CCDC82: variants seen among roughly 807,000 people sequenced by gnomAD.
CCDC82 encodes the protein coiled-coil domain-containing protein 82.
In CCDC82, 47 loss-of-function variants were observed where a neutral mutation model predicts 60.6. That is an observed-to-expected ratio of 0.77 (90% confidence interval 0.61 to 0.99). CCDC82 has a LOEUF of 0.99. Among genes scored for constraint, CCDC82 ranks in the 50% least tolerant of loss-of-function variants. The probability of loss-of-function intolerance (pLI) is 0.00; values close to 1 mark genes in which losing one functional copy is unlikely to be tolerated. For synonymous variants in CCDC82, 212 were observed against 207.4 expected, an observed-to-expected ratio of 1.02 and a Z score of -0.19; for missense variants, 588 against 633.0, an observed-to-expected ratio of 0.93 and a Z score of 0.76.
chr11:96,360,745 C>A (rs1039110724), intron 8 of CCDC82, among the ~76,000 whole-genome samples: 2 of 152,140 alleles, frequency 1.3e-5, no homozygotes, highest in African/African-American at 2.4e-5. Flanking sequence ...TTTCCTGAGG[C>A]CACACTGCAA....
chr11:96,354,039 T>C (rs1864223993), intron 9 of CCDC82: 1 of 199,176 alleles, frequency 5.0e-6, no homozygotes, highest in Admixed American at 5.7e-5. Flanking sequence ...TTGTTGAACA[T>C]ATATATCAAA....
At chr11:96,372,653 A>AATATAAATATATATAAACAT (rs1865336497) in intron 6 of CCDC82, among the ~76,000 whole-genome samples, 1 of 142,760 alleles carries the variant, frequency 7.0e-6, no homozygotes, top group Non-Finnish European at 1.5e-5. Flanking sequence ...TATATATATA[A>AATATAAATATATATAAACAT]ATATAAATAT....
intron 4 of CCDC82, 103 bp downstream of exon 4, chr11:96,383,859 G>C: frequency 1.9e-6 from 2 of 1,027,804 alleles, no homozygotes; most frequent in South Asian, 1.7e-5. Flanking sequence ...ATAAATTCTA[G>C]AATTATTGAG....
In CCDC82 at chr11:96,383,380, T is replaced by C. The variant is rs763390036; in HGVS notation, c.880A>G (p.Ile294Val). The C allele has an allele frequency of 6.2e-7, 1 of 1,601,740 alleles. No homozygotes were observed. The highest frequency in any genetic ancestry group is 8.5e-7 in the Non-Finnish European group (1 of 1,171,792). ...YESDEDGDDYIIDDFVVQDEE... is the reference protein window; with the variant it reads ...YESDEDGDDYVIDDFVVQDEE... ...TCTTGCACTACAAAGTCATCGATAA[T>C]ATAATCATCTCCATCTTCATCAGAT... Residue 294 changes from isoleucine (I) to valine (V), a missense_variant, in exon 5 of 10, where the codon ATT becomes GTT. Physicochemically the swap from Ile to Val is conservative, Grantham distance 29. Transcript: ENST00000646818.
At chr11:96,366,243 CTT>C (rs1864939870) in intron 7 of CCDC82, among the ~76,000 whole-genome samples, 1 of 152,158 alleles carries the variant, frequency 6.6e-6, no homozygotes, top group African/African-American at 2.4e-5. Context: ...TGAAAATAAA[CTT>C]TGTTGGGTTA....
chr11:96,366,605 C>T (rs1469957121), intron 7 of CCDC82, among the ~76,000 whole-genome samples: 2 of 152,144 alleles, frequency 1.3e-5, no homozygotes, highest in African/African-American at 4.8e-5. Flanking sequence ...TAATAGTGCC[C>T]TCCAGCTGGC....
At chr11:96,379,976 G>T (rs1342422586) in intron 5 of CCDC82, among the ~76,000 whole-genome samples, 1 of 151,714 alleles carries the variant, frequency 6.6e-6, no homozygotes, top group Non-Finnish European at 1.5e-5. Context: ...AGTAATAGAG[G>T]AAAGGAATAT....
At chr11:96,375,591 T>A (rs1865527996) in intron 5 of CCDC82, among the ~76,000 whole-genome samples, 1 of 152,200 alleles carries the variant, frequency 6.6e-6, no homozygotes, top group Non-Finnish European at 1.5e-5. Flanking sequence ...AACAAGCCTG[T>A]GGGATACTAC....
intron 5 of CCDC82, among the ~76,000 whole-genome samples, chr11:96,375,674 CAGTA>C (rs923726639): frequency 6.6e-6 from 1 of 152,156 alleles, no homozygotes; most frequent in African/African-American, 2.4e-5. Context: ...TAAGACCAAA[CAGTA>C]AGTTTCGGAA....
chr11:96,372,746 G>A (rs968597710), intron 6 of CCDC82, among the ~76,000 whole-genome samples: 80 of 137,778 alleles, frequency 5.8e-4, no homozygotes, highest in Admixed American at 4.1e-3. Flanking sequence ...ATAAATATAC[G>A]TATATTTATA....
intron 8 of CCDC82, among the ~76,000 whole-genome samples, chr11:96,360,140 AAT>A (rs934470634): frequency 1.1e-3 from 160 of 147,190 alleles, no homozygotes; most frequent in African/African-American, 3.7e-3. Flanking sequence ...ATATATATTA[AAT>A]ATAGATATTT....
At chr11:96,361,384 A>G (rs1864653774) in intron 8 of CCDC82, among the ~76,000 whole-genome samples, 1 of 152,212 alleles carries the variant, frequency 6.6e-6, no homozygotes, top group African/African-American at 2.4e-5. Flanking sequence ...TCCTTTGAAA[A>G]TATTTAACAT....
intron 7 of CCDC82, among the ~76,000 whole-genome samples, chr11:96,365,581 G>T (rs1051224413): frequency 2.0e-5 from 3 of 152,086 alleles, no homozygotes; most frequent in Non-Finnish European, 4.4e-5. Context: ...TTATATATTT[G>T]CCACAAAAAT....
At chr11:96,361,399 G>T (rs2136082008) in intron 8 of CCDC82, among the ~76,000 whole-genome samples, 1 of 152,102 alleles carries the variant, frequency 6.6e-6, no homozygotes, top group South Asian at 2.1e-4. Context: ...TAACATTATG[G>T]TTTACTTCTT....
At chr11:96,358,885 G>T in intron 9 of CCDC82, 108 bp downstream of exon 9, 1 of 1,085,828 alleles carries the variant, frequency 9.2e-7, no homozygotes, top group Non-Finnish European at 1.3e-6. Flanking sequence ...AACGACAGAA[G>T]AAAGAGATTC....
chr11:96,380,818 AGAG>A lies in CCDC82; in HGVS notation c.991+2448_991+2450del, dbSNP rs139229490. ...GAGAGGGTAAAAACATCAGTGATTC[AGAG>A]GAGGGAGGAAAGGAGAATGAATTAA... On this transcript the variant is annotated intron_variant, in intron 5 of 9. Transcript: ENST00000646818. 2.0e-3 allele frequency: 308 copies of A among 151,914 alleles called. 1 individual carries two copies. Among genetic ancestry groups the A allele is most frequent in the African/African-American group, 7.2e-3 (300 of 41,558 alleles). 9.4% of individuals were successfully genotyped at this position (151,914 alleles called of 1,614,324 possible). A position where few individuals can be genotyped will look rare whatever the true frequency, so the allele number is the denominator to read the frequency against.
At chr11:96,367,397 A>C (rs183997578) in intron 7 of CCDC82, among the ~76,000 whole-genome samples, 22 of 152,340 alleles carry the variant, frequency 1.4e-4, no homozygotes, top group Non-Finnish European at 1.9e-4. Context: ...CACTGTTGTC[A>C]TTTCAACAAT....
rs1293903786 is a variant in CCDC82, at chr11:96,384,152, T to C, written c.596A>G (p.Asp199Gly). Residue 199 changes from aspartate (D) to glycine (G), a missense_variant, in exon 4 of 10, where the codon GAT becomes GGT. Physicochemically the swap from Asp to Gly is moderately conservative, Grantham distance 94. Coordinates refer to ENST00000646818, the MANE Select transcript of CCDC82 (RefSeq NM_024725.4). ...MCDSDESDDS[D>G]ILVRKVGVKR... The stretch of plus-strand genomic sequence containing the variant: ...AACACCTACTTTTCTAACTAGGATA[T>C]CGCTGTCATCACTCTCATCACTGTC... 2 of 1,613,730 alleles carry C rather than the reference T, an allele frequency of 1.2e-6. No individual in the cohort carries two copies. Among genetic ancestry groups the C allele is most frequent in the Admixed American group, 1.7e-5 (1 of 59,980 alleles).
chr11:96,369,772 C>T (rs2136126928), intron 7 of CCDC82, among the ~76,000 whole-genome samples: 1 of 152,226 alleles, frequency 6.6e-6, no homozygotes, highest in East Asian at 1.9e-4. Context: ...CAGACTTGCT[C>T]CATGCAGTTG....
Sources: allele counts gnomAD v4.1 joint callset (sites outside exome capture counted in the v4.1 genomes callset), GRCh38; gene constraint gnomAD v4.1.1; transcripts MANE v1.5; gene names NCBI Gene and HGNC (gene_info 2026-07-23, HGNC 2026-07-21).